DNAAF9: variants seen among roughly 807,000 people sequenced by gnomAD.
The protein encoded by DNAAF9 is dynein axonemal assembly factor 9, also known as shulin.
In DNAAF9, 90 loss-of-function variants were observed where a neutral mutation model predicts 167.0. The ratio of observed to expected loss-of-function variants is 0.54; its 90% CI spans 0.45 to 0.64. DNAAF9 has a LOEUF of 0.64. DNAAF9 is among the 30% of genes least tolerant of loss of function. The pLI, the probability that DNAAF9 is intolerant of heterozygous loss-of-function variation, is 0.00. For synonymous variants in DNAAF9, 491 were observed against 508.8 expected (o/e 0.96, Z 0.47); for missense variants, 1,315 against 1,442.2 (o/e 0.91, Z 1.43).
intron 20 of DNAAF9, among the ~76,000 whole-genome samples, chr20:3,314,789 T>C (rs1056800055): frequency 7.2e-5 from 11 of 152,188 alleles, no homozygotes; most frequent in Admixed American, 3.9e-4. Context: ...CCCTAGCCCA[T>C]TGAGAGAGCT....
rs1219503456 is a variant in DNAAF9 at position 3,394,946 on chromosome 20, TTTC to T, written c.84-12443_84-12441del. Among the ~76,000 whole-genome samples the T allele has an allele frequency of 6.3e-3, 701 of 111,386 alleles. 94 individuals are homozygous for T. The highest frequency in any genetic ancestry group is 8.0e-3 in the Non-Finnish European group (460 of 57,826). 73.1% of individuals were successfully genotyped at this position (111,386 alleles called of 152,430 possible). On this transcript the variant is annotated intron_variant, in intron 1 of 36. Transcript: ENST00000252032. Reference sequence around the variant, plus strand: ...ATGGCTTTTACTGAACATTTTCTTTTTTCTTTTTTTTTTTTTTTTTTTTTTTTT... The same window carrying T: ...ATGGCTTTTACTGAACATTTTCTTTTTTTTTTTTTTTTTTTTTTTTTTTTT...
chr20:3,333,794 G>A (rs1301788546), intron 10 of DNAAF9, among the ~76,000 whole-genome samples: 6 of 152,104 alleles, frequency 3.9e-5, no homozygotes, highest in Non-Finnish European at 8.8e-5. Context: ...GTGTACACTT[G>A]AGTACGTGAA....
intron 29 of DNAAF9, among the ~76,000 whole-genome samples, chr20:3,277,110 C>T (rs2068687466): frequency 6.6e-6 from 1 of 152,186 alleles, no homozygotes. Flanking sequence ...CCCAAGCACT[C>T]TAGAATATCA....
chr20:3,370,094 A>G (rs1364241508), intron 6 of DNAAF9, among the ~76,000 whole-genome samples: 1 of 152,202 alleles, frequency 6.6e-6, no homozygotes, highest in East Asian at 1.9e-4. Flanking sequence ...GAAGGTGTAT[A>G]TTCCTGATAA....
At chr20:3,314,416 T>C (rs1480598086) in intron 20 of DNAAF9, among the ~76,000 whole-genome samples, 2 of 152,016 alleles carry the variant, frequency 1.3e-5, no homozygotes, top group Non-Finnish European at 2.9e-5. Flanking sequence ...ATAGCTGAGA[T>C]GGAGGGGGTC....
intron 1 of DNAAF9, among the ~76,000 whole-genome samples, chr20:3,388,067 CAAA>C (rs901916873): frequency 8.6e-5 from 9 of 104,878 alleles, no homozygotes; most frequent in Admixed American, 2.1e-4. Context: ...GACTCTGTCT[CAAA>C]AAAAAAAAAA....
intron 28 of DNAAF9, among the ~76,000 whole-genome samples, chr20:3,280,036 G>GT (rs1313106878): frequency 6.6e-6 from 1 of 152,122 alleles, no homozygotes; most frequent in Admixed American, 6.6e-5. Context: ...ACCAAATTTG[G>GT]TAGATGAGCT....
Position 3,336,854 on chromosome 20 carries a change from T to A in DNAAF9, c.981+3650A>T, listed in dbSNP as rs1480713431. 5.3e-5 allele frequency among the ~76,000 whole-genome samples: 8 copies of A among 151,698 alleles called. No homozygotes were observed. In the East Asian group the frequency reaches 1.5e-3, roughly 29 times the overall value. On this transcript the variant is annotated intron_variant, in intron 10 of 36. Transcript: ENST00000252032. ...CACCGCGCCTGGTCTATTTTTACTT[T>A]AAAAATCTCAATTTGGTTTTCCTTT...
chr20:3,378,449 A>G (rs972615427), intron 3 of DNAAF9, among the ~76,000 whole-genome samples: 2 of 152,252 alleles, frequency 1.3e-5, no homozygotes. Flanking sequence ...ATAGTCTTCA[A>G]TGCTCATGGG....
At chr20:3,405,921 G>A (rs1359602732) in intron 1 of DNAAF9, among the ~76,000 whole-genome samples, 2 of 152,214 alleles carry the variant, frequency 1.3e-5, no homozygotes, top group Non-Finnish European at 2.9e-5. Flanking sequence ...GCTTCAGACA[G>A]TGAAACTGGC....
chr20:3,380,861 G>T (rs1306988870), intron 3 of DNAAF9, among the ~76,000 whole-genome samples: 2 of 152,334 alleles, frequency 1.3e-5, no homozygotes, highest in Non-Finnish European at 2.9e-5. Flanking sequence ...ACGGAGAGGG[G>T]AATATAAACA....
rs74914739 is a variant in DNAAF9, at chr20:3,405,462, C to G, written c.83+2013G>C. Among the ~76,000 whole-genome samples the G allele has an allele frequency of 5.1e-3, 782 of 152,192 alleles. 1 individual carries two copies. The highest frequency in any genetic ancestry group is 6.8e-3 in the Middle Eastern group (2 of 294). On this transcript the variant is annotated intron_variant, in intron 1 of 36. Transcript: ENST00000252032. ...AAGGCTTGAATGGGCAAGAAAAGCA[C>G]GTTCAATCATGTAGAAGTGGGGAAA...
chr20:3,281,614 C>T (rs373873442), intron 28 of DNAAF9, 27 bp downstream of exon 28: 4 of 1,561,470 alleles, frequency 2.6e-6, no homozygotes, highest in East Asian at 2.3e-5. Context: ...ACTTTCAGTA[C>T]ACTTACACAC....
chr20:3,407,409 G>C, intron 1 of DNAAF9, 66 bp downstream of exon 1: 1 of 1,210,476 alleles, frequency 8.3e-7, no homozygotes, highest in Non-Finnish European at 1.0e-6. Context: ...GGCGGGAGGC[G>C]TCGCCGGACC....
chr20:3,361,871 T>C (rs2083369600), intron 6 of DNAAF9: 3 of 1,464,946 alleles, frequency 2.0e-6, no homozygotes, highest in Admixed American at 1.7e-5. Context: ...CTGTGGTTTT[T>C]CTTTTTGGTT....
chr20:3,320,980 A>G (rs2069605127), intron 16 of DNAAF9, among the ~76,000 whole-genome samples: 2 of 152,188 alleles, frequency 1.3e-5, no homozygotes, highest in South Asian at 4.1e-4. Context: ...TCTTCTTCAC[A>G]TCAGGATGTT....
At chr20:3,296,444 C>A (rs2069081140) in intron 23 of DNAAF9, 1 of 300,670 alleles carries the variant, frequency 3.3e-6, no homozygotes. Flanking sequence ...ATGGCATGGT[C>A]ACGGCTCACT....
At position 3,376,160 on chromosome 20, in the gene DNAAF9, C is replaced by A. The variant is rs1316845365; in HGVS notation, c.408+18G>T. On this transcript the variant is annotated intron_variant, in intron 4 of 36. Coordinates refer to ENST00000252032, the MANE Select transcript of DNAAF9 (RefSeq NM_001009984.3). Reference sequence around the variant, plus strand: ...TCTTAGAGTGTCTCTAGGTGCCTGTCTTCTCTTTTCTTCTTACCTCATTTT... The same window carrying A: ...TCTTAGAGTGTCTCTAGGTGCCTGTATTCTCTTTTCTTCTTACCTCATTTT... 1 of 1,609,272 alleles carries A rather than the reference C, an allele frequency of 6.2e-7. No homozygotes were observed. The highest frequency in any genetic ancestry group is 8.5e-7 in the Non-Finnish European group (1 of 1,178,210).
intron 7 of DNAAF9, among the ~76,000 whole-genome samples, chr20:3,350,744 A>G (rs2070307281): frequency 6.6e-6 from 1 of 152,216 alleles, no homozygotes; most frequent in African/African-American, 2.4e-5. Flanking sequence ...TTCTGTTAAA[A>G]TAAGATTCTG....
Sources: gnomAD v4.1 joint callset for allele counts (sites outside exome capture counted in the v4.1 genomes callset) on GRCh38, gnomAD v4.1.1 for gene constraint, MANE v1.5 for transcripts, NCBI Gene and HGNC (gene_info 2026-07-23, HGNC 2026-07-21) for gene names.